The following ZC3H12B variants were observed in gnomAD, a reference collection of about 807,000 sequenced individuals.
ZC3H12B encodes the protein zinc finger CCCH-type containing 12B, also known as probable ribonuclease ZC3H12B.
Under a neutral mutation model 43.9 loss-of-function variants are expected in ZC3H12B, and 7 were observed. The ratio of observed to expected loss-of-function variants is 0.16; its 90% confidence interval spans 0.09 to 0.30. ZC3H12B has a LOEUF of 0.30. Ranked by LOEUF, ZC3H12B falls within the 10% of genes least tolerant of loss-of-function variation. The pLI is 1.00. For synonymous variants in ZC3H12B, 222 were observed against 241.7 expected (o/e 0.92, Z 0.76); for missense variants, 475 against 670.2 (o/e 0.71, Z 3.22).
chrX:65,206,690 A>ACAG, the ZC3H12B span, among the ~76,000 whole-genome samples: 1 of 111,991 alleles, frequency 8.9e-6, no homozygotes, highest in Non-Finnish European at 1.9e-5. Flanking sequence ...AAGCTTCTGC[A>ACAG]CAGCAACAGA....
the ZC3H12B span, among the ~76,000 whole-genome samples, chrX:65,118,122 G>T: frequency 9.0e-6 from 1 of 111,177 alleles, no homozygotes; most frequent in Non-Finnish European, 1.9e-5. Flanking sequence ...GCGTGATGGG[G>T]ATGGCATTGA....
the ZC3H12B span, among the ~76,000 whole-genome samples, chrX:65,132,130 C>T: frequency 1.8e-5 from 2 of 110,801 alleles, no homozygotes; most frequent in East Asian, 2.9e-4. Context: ...AAAAAAGCAT[C>T]TTTAAGATCA....
chrX:65,307,101 A>T, the ZC3H12B span, among the ~76,000 whole-genome samples: 4 of 112,655 alleles, frequency 3.6e-5, no homozygotes, highest in African/African-American at 1.3e-4. Flanking sequence ...ATAGTATTCT[A>T]GGCATACACA....
chrX:65,438,058 T>C (rs1419652434), intron 3 of ZC3H12B, among the ~76,000 whole-genome samples: 1 of 112,128 alleles, frequency 8.9e-6, no homozygotes, highest in Non-Finnish European at 1.9e-5. Context: ...TTCTGGTTTC[T>C]CTATTCTGTG....
chrX:65,063,805 T>A, the ZC3H12B span, among the ~76,000 whole-genome samples: 2 of 111,982 alleles, frequency 1.8e-5, no homozygotes, highest in African/African-American at 6.5e-5. Context: ...TTTTGGTTGA[T>A]AAGCTATTAA....
At chrX:65,118,637 T>C in the ZC3H12B span, among the ~76,000 whole-genome samples, 25 of 111,178 alleles carry the variant, frequency 2.2e-4, no homozygotes, top group Non-Finnish European at 4.3e-4. Flanking sequence ...ACCTGTCTTG[T>C]GACAGTTTTC....
At chrX:65,486,454 G>C (rs759681049), upstream of ZC3H12B, among the ~76,000 whole-genome samples, 2 of 112,038 alleles carry the variant, frequency 1.8e-5, no homozygotes, top group African/African-American at 6.5e-5. Flanking sequence ...CATTCTTGCT[G>C]TCTTGTCCCA....
At chrX:65,161,291 A>G in the ZC3H12B span, among the ~76,000 whole-genome samples, 8 of 111,279 alleles carry the variant, frequency 7.2e-5, no homozygotes, top group African/African-American at 2.6e-4. Flanking sequence ...CTTGGTGCAG[A>G]GCTGAATTCA....
At chrX:65,388,602 T>A (rs1023495176) in intron 2 of ZC3H12B, among the ~76,000 whole-genome samples, 7 of 111,844 alleles carry the variant, frequency 6.3e-5, no homozygotes, top group Admixed American at 2.9e-4. Flanking sequence ...CTCCTTTAGC[T>A]CAGAGTAGTT....
chrX:65,054,136 G>C, the ZC3H12B span, among the ~76,000 whole-genome samples: 1 of 111,541 alleles, frequency 9.0e-6, no homozygotes, highest in Admixed American at 9.4e-5. Flanking sequence ...GTCAATTTTG[G>C]CTTTTGTTGC....
chrX:65,311,455 C>A, the ZC3H12B span, among the ~76,000 whole-genome samples: 1 of 111,947 alleles, frequency 8.9e-6, no homozygotes, highest in East Asian at 2.8e-4. Context: ...TACCATTTCA[C>A]ACTGGTTAGA....
At chrX:65,152,695 A>G in the ZC3H12B span, among the ~76,000 whole-genome samples, 1 of 111,480 alleles carries the variant, frequency 9.0e-6, no homozygotes, top group African/African-American at 3.3e-5. Flanking sequence ...ATCCCCATCA[A>G]GCTACCAGAC....
At chrX:65,212,007 T>C in the ZC3H12B span, among the ~76,000 whole-genome samples, 2 of 66,149 alleles carry the variant, frequency 3.0e-5, no homozygotes, top group African/African-American at 1.3e-4. Flanking sequence ...TTATGTATAC[T>C]ATATAATATA....
At chrX:65,078,255 G>C in the ZC3H12B span, among the ~76,000 whole-genome samples, 1 of 112,176 alleles carries the variant, frequency 8.9e-6, no homozygotes, top group Non-Finnish European at 1.9e-5. Flanking sequence ...GTATTTCAAG[G>C]ATGGAGATAT....
intron 2 of ZC3H12B, among the ~76,000 whole-genome samples, chrX:65,384,707 A>G (rs1569386740): frequency 8.9e-6 from 1 of 111,808 alleles, no homozygotes; most frequent in Non-Finnish European, 1.9e-5. Flanking sequence ...TACAATCAAA[A>G]GACATAGAGT....
intron 3 of ZC3H12B, among the ~76,000 whole-genome samples, chrX:65,437,095 G>A (rs1214628903): frequency 1.8e-5 from 2 of 110,639 alleles, no homozygotes; most frequent in Non-Finnish European, 3.8e-5. Context: ...TGGGATTACA[G>A]GTGTGCACCA....
the ZC3H12B span, among the ~76,000 whole-genome samples, chrX:65,094,171 G>A: frequency 1.4e-4 from 15 of 109,710 alleles, no homozygotes; most frequent in South Asian, 4.0e-3. Flanking sequence ...CACCATGATT[G>A]TAACTTTCCT....
the ZC3H12B span, among the ~76,000 whole-genome samples, chrX:65,260,275 G>A: frequency 9.2e-6 from 1 of 109,032 alleles, no homozygotes; most frequent in East Asian, 2.9e-4. Context: ...TGCAAGATGA[G>A]AACTAAATTA....
intron 3 of ZC3H12B, among the ~76,000 whole-genome samples, chrX:65,457,453 C>T (rs1313545021): frequency 2.4e-5 from 2 of 82,887 alleles, no homozygotes; most frequent in Non-Finnish European, 4.4e-5. Flanking sequence ...GGGGGGTCAG[C>T]CCCCCGCCCG....
Sources: allele counts gnomAD v4.1 joint callset (sites outside exome capture counted in the v4.1 genomes callset), GRCh38; gene constraint gnomAD v4.1.1; transcripts MANE v1.5; gene names NCBI Gene and HGNC (gene_info 2026-07-23, HGNC 2026-07-21).